GUCY1B1: variants seen among roughly 807,000 people sequenced by gnomAD.
The protein encoded by GUCY1B1 is guanylate cyclase soluble subunit beta-1.
A neutral mutation model predicts 71.0 loss-of-function variants in GUCY1B1; 43 were observed. The observed-to-expected ratio is 0.61, with a 90% CI of 0.47 to 0.78. The LOEUF (loss-of-function observed/expected upper bound fraction) is 0.78, where lower values mean the gene tolerates loss of function less well. Ranked by LOEUF, GUCY1B1 falls within the 30% of genes least tolerant of loss-of-function variation. GUCY1B1 has a pLI of 0.00. For missense variants in GUCY1B1, 535 were observed against 754.1 expected, an observed-to-expected ratio of 0.71 and a Z score of 3.40; for synonymous variants, 266 against 259.7, an observed-to-expected ratio of 1.02 and a Z score of -0.23.
chr4:155,775,061 A>C lies in GUCY1B1; in HGVS notation c.171A>C (p.Lys57Asn). 6.4e-7 allele frequency: 1 copy of C among 1,560,754 alleles called. No individual in the cohort carries two copies. Among genetic ancestry groups the C allele is most frequent in the Non-Finnish European group, 8.8e-7 (1 of 1,132,044 alleles). The part of the protein sequence containing the change: ...KTYDLVAAAS[K>N]VLNLNAGEIL... ...ATGATTTGGTTGCTGCTGCAAGCAA[A>C]GTCCTCAGTAAGTTGAATGCAACTT... The change falls in exon 3 of 14, where the codon AAA (lysine) becomes AAC (asparagine). Residue 57 changes from lysine (K) to asparagine (N), a missense_variant. By Grantham distance (94) the Lys-to-Asn change is moderately conservative. Coordinates refer to ENST00000264424, the MANE Select transcript of GUCY1B1 (RefSeq NM_000857.5).
In GUCY1B1 at chr4:155,789,625, A is replaced by C. The variant is rs913512513; in HGVS notation, c.298-89A>C. The C allele has an allele frequency of 1.9e-5, 14 of 740,020 alleles. No individual in the cohort carries two copies. The African/African-American group carries it at 1.9e-4, about 10-fold the overall frequency. 45.8% of individuals were successfully genotyped at this position (740,020 alleles called of 1,614,324 possible). ...TCGCTGATCTGCCCACTAGACTCCG[A>C]TTTGACTCGTTTTCATATCTTGCTT... On this transcript the variant is annotated intron_variant, in intron 4 of 13. Transcript: ENST00000264424.
In GUCY1B1 at chr4:155,799,911, C is replaced by T. The variant is rs1450946027; in HGVS notation, c.1012C>T (p.Leu338=). The change falls in exon 9 of 14, where the codon CTG becomes TTG. Residue 338 remains leucine, a synonymous_variant. Transcript: ENST00000264424. ...CCTGGACGATTTGACAAGGAGAGGG[C>T]TGTATCTAAGTGACATCCCTCTGCA... ...MNLDDLTRRG[L]YLSDIPLHDA... 1.9e-6 allele frequency: 3 copies of T among 1,611,860 alleles called. No homozygotes were observed. Among genetic ancestry groups the T allele is most frequent in the Admixed American group, 3.3e-5 (2 of 59,952 alleles).
At chr4:155,772,171 G>A (rs994926658) in intron 2 of GUCY1B1, among the ~76,000 whole-genome samples, 3 of 152,232 alleles carry the variant, frequency 2.0e-5, no homozygotes, top group African/African-American at 2.4e-5. Context: ...TGAGGTCTTC[G>A]AAGAGTTGTG....
intron 4 of GUCY1B1, among the ~76,000 whole-genome samples, chr4:155,778,036 T>A (rs151232826): frequency 8.0e-4 from 122 of 152,304 alleles, no homozygotes; most frequent in Admixed American, 2.0e-3. Flanking sequence ...TTTGTAGATA[T>A]AATCGAGCAA....
rs762333446 is a variant in GUCY1B1 at position 155,796,508 on chromosome 4, A to C, written c.975A>C (p.Pro325=). The C allele has an allele frequency of 7.5e-6, 12 of 1,606,214 alleles. No homozygotes were observed. The highest frequency in any genetic ancestry group is 1.3e-5 in the African/African-American group (1 of 74,746). ...EADSILFLCS[P]SVMNLDDLTR... ...ATAGCATACTTTTTCTATGTTCACC[A>C]AGGTAATCATTTTTAGATTAATTAT... The change falls in exon 8 of 14, where the codon CCA becomes CCC. Residue 325 remains proline, a splice_region_variant and synonymous_variant. Coordinates refer to ENST00000264424, the MANE Select transcript of GUCY1B1 (RefSeq NM_000857.5).
intron 4 of GUCY1B1, among the ~76,000 whole-genome samples, chr4:155,779,848 T>TC (rs1280740175): frequency 6.6e-6 from 1 of 152,186 alleles, no homozygotes; most frequent in Non-Finnish European, 1.5e-5. Context: ...TATGGTGACT[T>TC]CAACTCTTCA....
intron 11 of GUCY1B1, among the ~76,000 whole-genome samples, chr4:155,804,350 C>T (rs576971503): frequency 2.0e-5 from 3 of 151,868 alleles, no homozygotes; most frequent in South Asian, 2.1e-4. Flanking sequence ...CATCACACAC[C>T]GGGACCTGTT....
intron 2 of GUCY1B1, among the ~76,000 whole-genome samples, chr4:155,768,957 G>A (rs1184001119): frequency 6.6e-6 from 1 of 152,104 alleles, no homozygotes; most frequent in Non-Finnish European, 1.5e-5. Context: ...CATACTAAGT[G>A]CACCTTAATT....
Position 155,795,379 on chromosome 4 carries a change from G to A in GUCY1B1, c.765G>A (p.Ser255=), listed in dbSNP as rs193112561. 13 of 1,609,778 alleles carry A rather than the reference G, an allele frequency of 8.1e-6. No individual in the cohort carries two copies. The highest frequency in any genetic ancestry group is 4.5e-5 in the East Asian group (2 of 44,768). Reference sequence around the variant, plus strand: ...ATTGCAGCCTTCTGTCTGTCTTCTCGCTGGTTCGTCCTCATATTGATATTA... The same window carrying A: ...ATTGCAGCCTTCTGTCTGTCTTCTCACTGGTTCGTCCTCATATTGATATTA... The part of the protein sequence containing the change: ...PGNCSLLSVF[S]LVRPHIDISF... Residue 255 remains serine, a synonymous_variant, in exon 7 of 14, where the codon TCG becomes TCA. Transcript: ENST00000264424.
rs765665242 is a variant in GUCY1B1 at position 155,802,480 on chromosome 4, A to G, written c.1314A>G (p.Ala438=). ...VGFNAFCSKH[A]SGEGAMKIVN... is the part of the protein sequence containing the mutation. ...TCAATGCTTTCTGTAGCAAGCATGCATCTGGAGAAGGAGCCATGAAGATCG... is the reference window on the plus strand; with the variant it reads ...TCAATGCTTTCTGTAGCAAGCATGCGTCTGGAGAAGGAGCCATGAAGATCG... The change falls in exon 10 of 14, where the codon GCA becomes GCG. Residue 438 remains alanine, a synonymous_variant. Coordinates refer to ENST00000264424, the MANE Select transcript of GUCY1B1 (RefSeq NM_000857.5). This position sits in a 1 kb window ranked among gnomAD's most constrained non-coding sequence, Gnocchi z 4.3. 1.9e-5 allele frequency: 30 copies of G among 1,613,672 alleles called. No homozygotes were observed. Among genetic ancestry groups the G allele is most frequent in the Admixed American group, 1.0e-4 (6 of 59,942 alleles).
rs1579260496 is a variant in GUCY1B1, at chr4:155,802,789, T to A, written c.1413+210T>A. Among the ~76,000 whole-genome samples the A allele has an allele frequency of 6.6e-6, 1 of 152,326 alleles. No homozygotes were observed. The highest frequency in any genetic ancestry group is 2.4e-5 in the African/African-American group (1 of 41,580). On this transcript the variant is annotated intron_variant, in intron 10 of 13. Coordinates refer to ENST00000264424, the MANE Select transcript of GUCY1B1 (RefSeq NM_000857.5). This position sits in a 1 kb window ranked among gnomAD's most constrained non-coding sequence, Gnocchi z 4.3. The stretch of plus-strand genomic sequence containing the variant: ...CCTTGTAACCACAATGAATGTTTCA[T>A]GAAGTGGGTGATTCCCTGGTTAAAA...
intron 2 of GUCY1B1, 117 bp downstream of exon 2, chr4:155,759,977 G>T: frequency 3.1e-6 from 2 of 653,908 alleles, no homozygotes; most frequent in Non-Finnish European, 5.3e-6. Context: ...CCTTGGAGGT[G>T]CCTCCGCGCC....
At chr4:155,767,595 A>G (rs1440517462) in intron 2 of GUCY1B1, among the ~76,000 whole-genome samples, 1 of 152,132 alleles carries the variant, frequency 6.6e-6, no homozygotes, top group Non-Finnish European at 1.5e-5. Flanking sequence ...GTTACTGTTT[A>G]CAGTGATTGG....
At chr4:155,762,483 G>T (rs1301762824) in intron 2 of GUCY1B1, among the ~76,000 whole-genome samples, 1 of 152,122 alleles carries the variant, frequency 6.6e-6, no homozygotes, top group Non-Finnish European at 1.5e-5. Context: ...GATGGGAAAA[G>T]ATGCCAAACA....
rs1323820372 is a variant in GUCY1B1 at position 155,806,698 on chromosome 4, T to C, written c.*289T>C. The C allele has an allele frequency of 2.8e-6, 1 of 359,268 alleles. No individual in the cohort carries two copies. Among genetic ancestry groups the C allele is most frequent in the Non-Finnish European group, 5.0e-6 (1 of 200,080 alleles). 22.3% of individuals were successfully genotyped at this position (359,268 alleles called of 1,614,324 possible). A position where few individuals can be genotyped will look rare whatever the true frequency, so the allele number is the denominator to read the frequency against. On this transcript the variant is annotated 3_prime_UTR_variant, in exon 14 of 14. Transcript: ENST00000264424. The stretch of plus-strand genomic sequence containing the variant: ...CTACAAGCATTACCTAACATGGTGA[T>C]CTGCAAGTAGTAGGCACCCAATAAA...
At chr4:155,797,261 A>G (rs955032071) in intron 8 of GUCY1B1, among the ~76,000 whole-genome samples, 1 of 152,210 alleles carries the variant, frequency 6.6e-6, no homozygotes, top group Non-Finnish European at 1.5e-5. Context: ...GTAGTAACAC[A>G]GTCAAGAAGG....
rs1449855666 is a variant in GUCY1B1, at chr4:155,803,677, C to T, written c.1467C>T (p.Cys489=). ...YMTVSGLPEP[C]IHHARSICHL... The stretch of plus-strand genomic sequence containing the variant: ...CAGTGAGTGGTTTACCAGAGCCATG[C>T]ATTCACCATGCACGATCCATCTGCC... Residue 489 remains cysteine, a synonymous_variant, in exon 11 of 14, where the codon TGC becomes TGT. Transcript: ENST00000264424. The T allele has an allele frequency of 6.2e-7, 1 of 1,605,110 alleles. No individual in the cohort carries two copies. The highest frequency in any genetic ancestry group is 8.5e-7 in the Non-Finnish European group (1 of 1,175,224).
chr4:155,781,682 TAATAA>T (rs1389599684), intron 4 of GUCY1B1, among the ~76,000 whole-genome samples: 5 of 151,958 alleles, frequency 3.3e-5, no homozygotes, highest in Admixed American at 6.6e-5. Flanking sequence ...ATTTAATGGA[TAATAA>T]AATATAAGAA....
At chr4:155,804,862 C>A in intron 12 of GUCY1B1, 115 bp downstream of exon 12, 1 of 891,412 alleles carries the variant, frequency 1.1e-6, no homozygotes, top group Non-Finnish European at 1.8e-6. Flanking sequence ...TCACTCTTCC[C>A]CACTGCTTGT....
Sources: allele counts gnomAD v4.1 joint callset (sites outside exome capture counted in the v4.1 genomes callset), GRCh38; gene constraint gnomAD v4.1.1; non-coding constraint Gnocchi (gnomAD v3.1); transcripts MANE v1.5; gene names NCBI Gene and HGNC (gene_info 2026-07-23, HGNC 2026-07-21).